RPL34: variants seen among roughly 807,000 people sequenced by gnomAD.
RPL34 encodes the protein ribosomal protein L34.
RPL34 carries 2 observed loss-of-function variants against 16.3 expected under a neutral mutation model. The observed-to-expected ratio is 0.12, with a 90% CI of 0.05 to 0.39. RPL34 has a LOEUF of 0.39. Among genes scored for constraint, RPL34 ranks in the 10% least tolerant of loss-of-function variants. The pLI is 0.99. For synonymous variants in RPL34, 47 were observed against 48.5 expected (o/e 0.97, Z 0.13); for missense variants, 82 against 148.8 (o/e 0.55, Z 2.33).
chr4:108,622,691 A>G (rs1279015817), intron 4 of RPL34, 73 bp downstream of exon 4: 6 of 888,480 alleles, frequency 6.8e-6, no homozygotes, highest in Middle Eastern at 2.3e-4. Context: ...GATCAGTACA[A>G]TGGTGAAGCA....
downstream of RPL34, among the ~76,000 whole-genome samples, chr4:108,629,057 G>A (rs1031591529): frequency 6.6e-6 from 1 of 152,060 alleles, no homozygotes; most frequent in Non-Finnish European, 1.5e-5. Flanking sequence ...ACCTCAGAAT[G>A]TCCGCCCGCC....
chr4:108,622,411 C>A, intron 3 of RPL34, 104 bp from the exon 4 acceptor site: 2 of 890,038 alleles, frequency 2.2e-6, no homozygotes, highest in East Asian at 2.5e-5. Flanking sequence ...ATGAGTACAC[C>A]ATTTCCCTTT....
chr4:108,626,066 T>C (rs1725990636), downstream of RPL34, among the ~76,000 whole-genome samples: 1 of 152,170 alleles, frequency 6.6e-6, no homozygotes, highest in Non-Finnish European at 1.5e-5. Flanking sequence ...GTCAAGGGTA[T>C]AGTTTCTGAT....
chr4:108,624,884 G>A (rs976906264), intron 4 of RPL34, among the ~76,000 whole-genome samples: 8 of 152,182 alleles, frequency 5.3e-5, no homozygotes, highest in African/African-American at 1.9e-4. Flanking sequence ...GTCTCCTGTG[G>A]GGATGACTTC....
At chr4:108,627,010 C>T (rs1455223997), downstream of RPL34, among the ~76,000 whole-genome samples, 1 of 152,070 alleles carries the variant, frequency 6.6e-6, no homozygotes, top group Non-Finnish European at 1.5e-5. Flanking sequence ...GAGGCCAAGG[C>T]GGGCGGATCA....
At chr4:108,628,805 T>C (rs1487159802), downstream of RPL34, among the ~76,000 whole-genome samples, 1 of 152,160 alleles carries the variant, frequency 6.6e-6, no homozygotes, top group Non-Finnish European at 1.5e-5. Context: ...ATAAAAAATC[T>C]CAATTTCACT....
chr4:108,626,816 C>G (rs1313781088), downstream of RPL34, among the ~76,000 whole-genome samples: 1 of 152,176 alleles, frequency 6.6e-6, no homozygotes, highest in Non-Finnish European at 1.5e-5. Context: ...TCATGGAATG[C>G]AGAAGCTGAA....
chr4:108,629,855 T>C (rs1194690823), downstream of RPL34, among the ~76,000 whole-genome samples: 1 of 152,248 alleles, frequency 6.6e-6, no homozygotes, highest in African/African-American at 2.4e-5. Flanking sequence ...AGAATTTTGA[T>C]AGTCAGGGCT....
chr4:108,623,818 G>A (rs1725883411), intron 4 of RPL34, among the ~76,000 whole-genome samples: 1 of 152,174 alleles, frequency 6.6e-6, no homozygotes, highest in African/African-American at 2.4e-5. Flanking sequence ...ACAAATAGGG[G>A]ATAAATATAG....
downstream of RPL34, among the ~76,000 whole-genome samples, chr4:108,626,354 TC>T (rs1254828900): frequency 6.6e-6 from 1 of 151,786 alleles, no homozygotes; most frequent in East Asian, 1.9e-4. Flanking sequence ...GTCTCAAAAC[TC>T]CTGGGCTCAA....
At chr4:108,622,906 A>G in intron 4 of RPL34, 1 of 282,066 alleles carries the variant, frequency 3.5e-6, no homozygotes, top group Non-Finnish European at 6.7e-6. Context: ...TGGAGTGTGG[A>G]AGGTGTTAAA....
downstream of RPL34, among the ~76,000 whole-genome samples, chr4:108,626,539 C>G (rs565304212): frequency 7.3e-4 from 111 of 151,414 alleles, 2 homozygotes; most frequent in Admixed American, 4.5e-3. Flanking sequence ...ACCTCCACCT[C>G]CTGGGTTCAA....
At chr4:108,630,083 T>TGCATCTCTTTCCAGTTTTGC (rs1222278700), downstream of RPL34, 1 of 152,204 alleles carries the variant, frequency 6.6e-6, no homozygotes, top group Non-Finnish European at 1.5e-5. Context: ...GCCAGTTGTG[T>TGCATCTCTTTCCAGTTTTGC]GCATCTCTTT....
At chr4:108,630,331 T>C (rs1055037383), downstream of RPL34, 3 of 152,326 alleles carry the variant, frequency 2.0e-5, no homozygotes, top group Admixed American at 1.3e-4. Context: ...TTGATTGTTA[T>C]TATAAGTACT....
At chr4:108,622,973 GAACAGAAGAGTTGTGTATTCTCATGAGC>G (rs1725847940) in intron 4 of RPL34, 1 of 173,154 alleles carries the variant, frequency 5.8e-6, no homozygotes, top group East Asian at 1.6e-4. Context: ...AAAAGTGTAG[GAACAGAAGAGTTGTGTATTCTCATGAGC>G]ATAGGGTTGC....
rs1025901245 is a variant in RPL34, at chr4:108,622,394, C to G, written c.166-121C>G. The G allele has an allele frequency of 6.0e-6, 5 of 832,686 alleles. No homozygotes were observed. In the African/African-American group the frequency reaches 8.6e-5, roughly 14 times the overall value. 51.6% of individuals were successfully genotyped at this position (832,686 alleles called of 1,614,324 possible). The stretch of plus-strand genomic sequence containing the variant: ...CTGAGAAATGCAGTGAAATGCCTTT[C>G]AGATAAATGAGTACACCATTTCCCT... On this transcript the variant is annotated intron_variant, in intron 3 of 4. Transcript: ENST00000394667.
At chr4:108,624,652 TGGA>T (rs1725923395) in intron 4 of RPL34, among the ~76,000 whole-genome samples, 1 of 152,198 alleles carries the variant, frequency 6.6e-6, no homozygotes, top group African/African-American at 2.4e-5. Flanking sequence ...TAGTGTGTGG[TGGA>T]GTTGGCCGTA....
In RPL34 at chr4:108,621,967, A is replaced by C. The variant is rs1725797496; in HGVS notation, c.8A>C (p.Gln3Pro). Residue 3 changes from glutamine (Q) to proline (P), a missense_variant, in exon 2 of 5, where the codon CAG (glutamine) becomes CCG (proline). By Grantham distance (76) the Gln-to-Pro change is moderately conservative. Coordinates refer to ENST00000394667, the MANE Select transcript of RPL34 (RefSeq NM_001319236.2). ...TTAATTTAGGCACTCAGAATGGTCC[A>C]GCGTTTGACATACCGACGTAGGCTT... MVQRLTYRRRLSY... is the reference protein window; with the variant it reads MVPRLTYRRRLSY... 6.2e-7 allele frequency: 1 copy of C among 1,610,554 alleles called. No homozygotes were observed. Among genetic ancestry groups the C allele is most frequent in the Admixed American group, 1.7e-5 (1 of 60,024 alleles).
downstream of RPL34, among the ~76,000 whole-genome samples, chr4:108,629,280 T>C (rs1298914704): frequency 6.6e-6 from 1 of 152,230 alleles, no homozygotes; most frequent in Admixed American, 6.5e-5. Flanking sequence ...TCAAAGAATA[T>C]TTTAGTAGCT....
Sources: allele counts gnomAD v4.1 joint callset (sites outside exome capture counted in the v4.1 genomes callset), GRCh38; gene constraint gnomAD v4.1.1; transcripts MANE v1.5; gene names NCBI Gene and HGNC (gene_info 2026-07-23, HGNC 2026-07-21).